TRPM6: variants seen among roughly 807,000 people sequenced by gnomAD.
TRPM6 encodes transient receptor potential cation channel subfamily M member 6.
TRPM6 carries 111 observed loss-of-function variants against 247.6 expected under a neutral mutation model. The observed-to-expected ratio is 0.45, with a 90% CI of 0.38 to 0.52. TRPM6 has a LOEUF of 0.52. Ranked by LOEUF, TRPM6 falls within the 20% of genes least tolerant of loss-of-function variation. TRPM6 has a pLI of 0.00. For missense variants in TRPM6, 2,126 were observed against 2,421.5 expected (o/e 0.88, Z 2.56); for synonymous variants, 892 against 853.8 (o/e 1.04, Z -0.78).
chr9:74,759,075 A>G (rs538670460), intron 27 of TRPM6, among the ~76,000 whole-genome samples: 1 of 152,316 alleles, frequency 6.6e-6, no homozygotes, highest in South Asian at 2.1e-4. Flanking sequence ...CAAGATCAGT[A>G]GTCTAAAAGC....
chr9:74,848,316 G>A (rs1249237628), intron 3 of TRPM6, among the ~76,000 whole-genome samples: 1 of 152,122 alleles, frequency 6.6e-6, no homozygotes, highest in Non-Finnish European at 1.5e-5. Flanking sequence ...TTCAAGTACT[G>A]CAATACCAAG....
At chr9:74,831,573 G>A (rs1285592279) in intron 6 of TRPM6, among the ~76,000 whole-genome samples, 1 of 152,070 alleles carries the variant, frequency 6.6e-6, no homozygotes, top group African/African-American at 2.4e-5. Flanking sequence ...TACACAATGA[G>A]CCTGGAATAT....
intron 6 of TRPM6, among the ~76,000 whole-genome samples, chr9:74,833,594 A>G (rs940380137): frequency 1.3e-5 from 2 of 152,198 alleles, no homozygotes; most frequent in Non-Finnish European, 1.5e-5. Context: ...TCTGGCTACT[A>G]TGTTGAGACT....
intron 28 of TRPM6, among the ~76,000 whole-genome samples, chr9:74,753,126 AAAAG>A (rs1417705041): frequency 2.6e-5 from 4 of 151,702 alleles, no homozygotes; most frequent in African/African-American, 9.7e-5. Context: ...AAAAAAAAAA[AAAAG>A]AAAGGAATGC....
intron 2 of TRPM6, 39 bp from the exon 3 acceptor site, chr9:74,855,604 G>A (rs745488963): frequency 2.2e-5 from 31 of 1,383,044 alleles, no homozygotes; most frequent in Non-Finnish European, 3.1e-5. Flanking sequence ...GTTTGTTGGT[G>A]TATCTGAAAA....
intron 23 of TRPM6, among the ~76,000 whole-genome samples, chr9:74,780,233 C>T (rs191883982): frequency 4.6e-5 from 7 of 151,260 alleles, no homozygotes; most frequent in South Asian, 2.1e-4. Context: ...TTTGGGAGGC[C>T]GAGGTGGGTG....
intron 36 of TRPM6, 88 bp downstream of exon 36, chr9:74,738,319 A>G (rs1825757433): frequency 2.2e-6 from 3 of 1,334,366 alleles, no homozygotes; most frequent in Admixed American, 3.4e-5. Flanking sequence ...AAATAGAGCA[A>G]CTCCATATAT....
rs371470072 is a variant in TRPM6, at chr9:74,785,101, T to A, written c.2919+773A>T. ...CAGCCTAGGTGACAGAGCAAGACCC[T>A]GTCTCACATAATGATGATAATAATA... is the stretch of plus-strand genomic sequence containing the variant. On this transcript the variant is annotated intron_variant, in intron 21 of 38. Transcript: ENST00000360774. Among the ~76,000 whole-genome samples, 136 of 152,216 alleles carry A rather than the reference T, an allele frequency of 8.9e-4. No individual in the cohort carries two copies. The South Asian group carries it at 9.3e-3, about 10-fold the overall frequency.
chr9:74,805,483 T>C (rs1828496656), intron 14 of TRPM6, among the ~76,000 whole-genome samples: 2 of 152,136 alleles, frequency 1.3e-5, no homozygotes, highest in African/African-American at 4.8e-5. Context: ...TAGAAACAAT[T>C]TTCAGACAAT....
At chr9:74,782,279 A>G (rs755086047) in intron 23 of TRPM6, 83 bp downstream of exon 23, 9 of 1,013,282 alleles carry the variant, frequency 8.9e-6, no homozygotes, top group Non-Finnish European at 1.4e-5. Flanking sequence ...CAAAGGTTAC[A>G]TACTCAAAGT....
intron 6 of TRPM6, 124 bp downstream of exon 6, chr9:74,833,870 AAGTC>A: frequency 7.8e-7 from 1 of 1,277,570 alleles, no homozygotes; most frequent in Non-Finnish European, 1.1e-6. Flanking sequence ...AAGCAGCAGA[AAGTC>A]AGGAGTTGGT....
intron 27 of TRPM6, among the ~76,000 whole-genome samples, chr9:74,756,447 T>C (rs1466601841): frequency 6.6e-6 from 1 of 151,880 alleles, no homozygotes; most frequent in Non-Finnish European, 1.5e-5. Context: ...CCAAACGAAA[T>C]ATAAAAAGAC....
chr9:74,851,719 A>G (rs1023666578), intron 3 of TRPM6, among the ~76,000 whole-genome samples: 1 of 150,092 alleles, frequency 6.7e-6, no homozygotes, highest in Non-Finnish European at 1.5e-5. Flanking sequence ...ACTGCGCTCC[A>G]GCTTGGGTGA....
chr9:74,861,298 C>T (rs1265396788), intron 1 of TRPM6, among the ~76,000 whole-genome samples: 2 of 152,078 alleles, frequency 1.3e-5, no homozygotes, highest in South Asian at 2.1e-4. Flanking sequence ...CTATTGCAAA[C>T]GAGACAAAGT....
At chr9:74,842,808 A>C (rs1326224517) in intron 3 of TRPM6, among the ~76,000 whole-genome samples, 1 of 152,230 alleles carries the variant, frequency 6.6e-6, no homozygotes, top group Non-Finnish European at 1.5e-5. Flanking sequence ...GCCTTCAGTG[A>C]GTTGTAATCT....
Position 74,788,686 on chromosome 9 carries a change from C to T in TRPM6, c.2595G>A (p.Gln865=). ...LFTYTVLVEM[Q]PQPSVQEWLV... is the part of the protein sequence containing the mutation. Reference sequence around the variant, plus strand: ...GCCACTCCTGCACGCTGGGCTGGGGCTGCATCTCCACCAACACGGTGTAAG... The same window carrying T: ...GCCACTCCTGCACGCTGGGCTGGGGTTGCATCTCCACCAACACGGTGTAAG... Residue 865 remains glutamine (Q), a synonymous_variant, in exon 20 of 39, where the codon CAG becomes CAA. Transcript: ENST00000360774. The T allele has an allele frequency of 1.2e-6, 2 of 1,614,086 alleles. No homozygotes were observed. Among genetic ancestry groups the T allele is most frequent in the Non-Finnish European group, 8.5e-7 (1 of 1,179,948 alleles).
At chr9:74,812,577 A>G in intron 11 of TRPM6, 144 bp from the exon 12 acceptor site, 1 of 838,426 alleles carries the variant, frequency 1.2e-6, no homozygotes, top group Non-Finnish European at 1.9e-6. Flanking sequence ...AAAAAAAAAA[A>G]AAAGGAAAAA....
At chr9:74,772,718 C>T (rs1827089651) in intron 24 of TRPM6, among the ~76,000 whole-genome samples, 1 of 152,014 alleles carries the variant, frequency 6.6e-6, no homozygotes, top group Non-Finnish European at 1.5e-5. Flanking sequence ...TGTAGTCAAC[C>T]TACTGATGGC....
chr9:74,854,877 T>C (rs947833927), intron 3 of TRPM6, among the ~76,000 whole-genome samples: 1 of 152,188 alleles, frequency 6.6e-6, no homozygotes, highest in African/African-American at 2.4e-5. Flanking sequence ...GACAGGGTTT[T>C]ACCATGTTGT....
Sources: gnomAD v4.1 joint callset for allele counts (sites outside exome capture counted in the v4.1 genomes callset) on GRCh38, gnomAD v4.1.1 for gene constraint, MANE v1.5 for transcripts, NCBI Gene and HGNC (gene_info 2026-07-23, HGNC 2026-07-21) for gene names.